The following MYO1E variants were observed in gnomAD, a reference collection of about 807,000 sequenced individuals.
MYO1E encodes the protein myosin IE, also known as unconventional myosin-Ie.
A neutral mutation model predicts 151.1 loss-of-function variants in MYO1E; 68 were observed. The observed-to-expected ratio is 0.45, with a 90% CI of 0.37 to 0.55. The LOEUF (loss-of-function observed/expected upper bound fraction) is 0.55, where lower values mean the gene tolerates loss of function less well. Ranked by LOEUF, MYO1E falls within the 20% of genes least tolerant of loss-of-function variation. MYO1E has a pLI of 0.00. For synonymous variants in MYO1E, 601 were observed against 501.7 expected (o/e 1.20, Z -2.64); for missense variants, 1,363 against 1,389.3 (o/e 0.98, Z 0.30).
intron 18 of MYO1E, among the ~76,000 whole-genome samples, chr15:59,183,058 A>G (rs1317144846): frequency 6.6e-6 from 1 of 152,156 alleles, no homozygotes; most frequent in African/African-American, 2.4e-5. Context: ...TCAGGCGGTA[A>G]TGCTCGCTGG....
chr15:59,150,338 G>A (rs1296101279), intron 26 of MYO1E, among the ~76,000 whole-genome samples: 1 of 152,222 alleles, frequency 6.6e-6, no homozygotes, highest in African/African-American at 2.4e-5. Flanking sequence ...GACTTAAATA[G>A]GGAACCACAT....
intron 1 of MYO1E, among the ~76,000 whole-genome samples, chr15:59,346,374 T>C (rs1372152284): frequency 3.9e-5 from 6 of 151,988 alleles, no homozygotes; most frequent in African/African-American, 1.5e-4. Context: ...TGAAGAAGAG[T>C]GCACTGGGAC....
chr15:59,205,856 T>A (rs2079830116), intron 14 of MYO1E, among the ~76,000 whole-genome samples: 1 of 152,198 alleles, frequency 6.6e-6, no homozygotes, highest in Non-Finnish European at 1.5e-5. Flanking sequence ...TCCTAAATTT[T>A]AGCTAAGCCA....
chr15:59,208,664 A>G lies in MYO1E; in HGVS notation c.1530+17T>C. ...AGGCTTAAAACAGATAGACATTAAA[A>G]TGGATATTGGCCATACCTTCCCAGC... On this transcript the variant is annotated intron_variant, in intron 14 of 27. Coordinates refer to ENST00000288235, the MANE Select transcript of MYO1E (RefSeq NM_004998.4). 2 of 1,614,154 alleles carry G rather than the reference A, an allele frequency of 1.2e-6. No individual in the cohort carries two copies. The highest frequency in any genetic ancestry group is 1.7e-6 in the Non-Finnish European group (2 of 1,179,968).
At chr15:59,215,023 A>C (rs190783499) in intron 10 of MYO1E, among the ~76,000 whole-genome samples, 1 of 152,326 alleles carries the variant, frequency 6.6e-6, no homozygotes, top group Admixed American at 6.5e-5. Flanking sequence ...ATTAGAAAAA[A>C]ATGTCATCTT....
Position 59,138,331 on chromosome 15 carries a change from T to A in MYO1E, c.3117A>T (p.Ala1039=). The change falls in exon 27 of 28, where the codon GCA becomes GCT. Residue 1039 remains alanine (A), a synonymous_variant. Coordinates refer to ENST00000288235, the MANE Select transcript of MYO1E (RefSeq NM_004998.4). ...TGGGCTGGGGCTTGGGTCTGCCCCCTGCTGGGGGAGGCCGACTGGTTGTTT... is the reference window on the plus strand; with the variant it reads ...TGGGCTGGGGCTTGGGTCTGCCCCCAGCTGGGGGAGGCCGACTGGTTGTTT... ...RRQTTSRPPP[A]GGRPKPQPKP... 6.2e-7 allele frequency: 1 copy of A among 1,614,200 alleles called. No individual in the cohort carries two copies. The highest frequency in any genetic ancestry group is 1.1e-5 in the South Asian group (1 of 91,088).
chr15:59,326,233 G>C (rs377007041), intron 1 of MYO1E, among the ~76,000 whole-genome samples: 2 of 152,096 alleles, frequency 1.3e-5, no homozygotes, highest in East Asian at 3.9e-4. Flanking sequence ...CAGTAGAATT[G>C]GGTGGGACGG....
At chr15:59,236,403 CACACACACACACACACAAACACACAT>C (rs1566988387) in intron 5 of MYO1E, among the ~76,000 whole-genome samples, 156 bp downstream of exon 5, 3 of 147,604 alleles carry the variant, frequency 2.0e-5, no homozygotes, top group African/African-American at 7.4e-5. Flanking sequence ...CACACACACA[CACACACACACACACACAAACACACAT>C]ACATATGCTA....
In MYO1E at chr15:59,218,045, C is replaced by T. The variant is rs763313565; in HGVS notation, c.953G>A (p.Arg318Gln). The stretch of plus-strand genomic sequence containing the variant: ...CCGGCTTGTTAGCTTTTCTTTCAAC[C>T]GGTCCTGGTTTATCCCTAGCAGATA... ...PAYLLGINQD[R>Q]LKEKLTSRQM... The change falls in exon 10 of 28, where the codon CGG (arginine) becomes CAG (glutamine). Residue 318 changes from arginine (R) to glutamine (Q), a missense_variant. By Grantham distance (43) the Arg-to-Gln change is conservative. Coordinates refer to ENST00000288235, the MANE Select transcript of MYO1E (RefSeq NM_004998.4). 11 of 1,614,082 alleles carry T rather than the reference C, an allele frequency of 6.8e-6. No individual in the cohort carries two copies. Among genetic ancestry groups the T allele is most frequent in the East Asian group, 2.2e-5 (1 of 44,894 alleles).
At chr15:59,322,044 G>A (rs1176985099) in intron 1 of MYO1E, among the ~76,000 whole-genome samples, 3 of 151,466 alleles carry the variant, frequency 2.0e-5, no homozygotes, top group Admixed American at 1.3e-4. Context: ...GTGTGGTGGC[G>A]GGCACCTGTA....
Position 59,207,697 on chromosome 15 carries a change from G to A in MYO1E, c.1530+984C>T, listed in dbSNP as rs113430545. ...CTCAAGTGTTCCTGTGTGGAGTGGA[G>A]TGAACATAGCTGGTGTCCCTTTGAA... On this transcript the variant is annotated intron_variant, in intron 14 of 27. Transcript: ENST00000288235. 1,445 of 1,614,188 alleles carry A rather than the reference G, an allele frequency of 9.0e-4. 19 individuals carry two copies. The African/African-American group carries it at 0.017, about 19-fold the overall frequency.
Position 59,324,379 on chromosome 15 carries a change from C to T in MYO1E, c.3+48119G>A, listed in dbSNP as rs948750830. Among the ~76,000 whole-genome samples, 6 of 152,292 alleles carry T rather than the reference C, an allele frequency of 3.9e-5. No homozygotes were observed. In the East Asian group the frequency reaches 7.7e-4, roughly 20 times the overall value. On this transcript the variant is annotated intron_variant, in intron 1 of 27. Coordinates refer to ENST00000288235, the MANE Select transcript of MYO1E (RefSeq NM_004998.4). ...GGGGCCACCCCTCGCCTATGAGCAA[C>T]ACAAGTCTGTGGAGAGCCTTGTGCT...
At chr15:59,323,599 G>A (rs999247052) in intron 1 of MYO1E, among the ~76,000 whole-genome samples, 26 of 150,844 alleles carry the variant, frequency 1.7e-4, no homozygotes, top group Non-Finnish European at 7.4e-5. Flanking sequence ...GAGCTTACAA[G>A]AAGCCGAGAT....
intron 1 of MYO1E, among the ~76,000 whole-genome samples, chr15:59,332,365 C>T (rs1361483128): frequency 1.3e-5 from 2 of 152,186 alleles, no homozygotes; most frequent in Non-Finnish European, 2.9e-5. Context: ...TACAGCAACA[C>T]ATTTACCTTC....
At position 59,238,171 on chromosome 15, in the gene MYO1E, G is replaced by A. The variant is rs78654482; in HGVS notation, c.333-1499C>T. Among the ~76,000 whole-genome samples, 1,358 of 152,238 alleles carry A rather than the reference G, an allele frequency of 8.9e-3. 20 individuals are homozygous for A. The highest frequency in any genetic ancestry group is 0.063 in the East Asian group (324 of 5,178). ...CTTACTCACAGGCAGCAACTAGGTCGGGCAAATTCAACTCCATGGGGAAAT... is the reference window on the plus strand; with the variant it reads ...CTTACTCACAGGCAGCAACTAGGTCAGGCAAATTCAACTCCATGGGGAAAT... On this transcript the variant is annotated intron_variant, in intron 4 of 27. Transcript: ENST00000288235.
In MYO1E at chr15:59,354,655, C is replaced by T. The variant is rs767922299; in HGVS notation, c.3+17843G>A. Among the ~76,000 whole-genome samples the T allele has an allele frequency of 1.0e-3, 157 of 152,226 alleles. 2 individuals carry two copies. The highest frequency in any genetic ancestry group is 1.7e-3 in the Non-Finnish European group (119 of 68,018). The stretch of plus-strand genomic sequence containing the variant: ...GGCACCATTGCAATGGCTCTTTGTT[C>T]GGAGTTGGGAGCTTTTGAACGGATA... On this transcript the variant is annotated intron_variant, in intron 1 of 27. Coordinates refer to ENST00000288235, the MANE Select transcript of MYO1E (RefSeq NM_004998.4).
intron 4 of MYO1E, among the ~76,000 whole-genome samples, chr15:59,255,207 C>A (rs2080187150): frequency 6.6e-6 from 1 of 151,962 alleles, no homozygotes; most frequent in South Asian, 2.1e-4. Flanking sequence ...CTTGACTTCC[C>A]TGGCTCAAGT....
At chr15:59,167,998 G>T (rs1444350708) in intron 22 of MYO1E, among the ~76,000 whole-genome samples, 2 of 152,028 alleles carry the variant, frequency 1.3e-5, no homozygotes, top group African/African-American at 2.4e-5. Context: ...TTTAAATAAG[G>T]ATTTTTCCTG....
intron 1 of MYO1E, among the ~76,000 whole-genome samples, chr15:59,335,495 T>C (rs1298847646): frequency 6.6e-6 from 1 of 151,940 alleles, no homozygotes; most frequent in Non-Finnish European, 1.5e-5. Context: ...CTGTGCCGAA[T>C]ATGAATAAAA....
Sources: gnomAD v4.1 joint callset for allele counts (sites outside exome capture counted in the v4.1 genomes callset) on GRCh38, gnomAD v4.1.1 for gene constraint, MANE v1.5 for transcripts, NCBI Gene and HGNC (gene_info 2026-07-23, HGNC 2026-07-21) for gene names.